RAB30: variants seen among roughly 807,000 people sequenced by gnomAD.
The protein encoded by RAB30 is ras-related protein Rab-30.
RAB30 carries 9 observed loss-of-function variants against 25.1 expected under a neutral mutation model. The ratio of observed to expected loss-of-function variants is 0.36; its 90% confidence interval spans 0.22 to 0.63. The LOEUF is 0.63. Ranked by LOEUF, RAB30 falls within the 20% of genes least tolerant of loss-of-function variation. RAB30 has a pLI of 0.69. For synonymous variants in RAB30, 77 were observed against 86.4 expected, an observed-to-expected ratio of 0.89 and a Z score of 0.60; for missense variants, 140 against 243.5, an observed-to-expected ratio of 0.58 and a Z score of 2.83.
rs1267394442 is a variant in RAB30 at position 82,981,064 on chromosome 11, T to C, written c.*1101A>G. The stretch of plus-strand genomic sequence containing the variant: ...CATCTGTTGCTATTCTCACTTATCA[T>C]ACTAAAAAATCTACAAAATCCTAAG... On this transcript the variant is annotated 3_prime_UTR_variant, in exon 5 of 5. Transcript: ENST00000527633. 1 of 152,186 alleles carries C rather than the reference T, an allele frequency of 6.6e-6. No individual in the cohort carries two copies. The highest frequency in any genetic ancestry group is 1.5e-5 in the Non-Finnish European group (1 of 68,034). The allele number at this position is 152,186 out of a possible 1,614,324, so 9.4% of individuals were successfully genotyped here.
intron 1 of RAB30, among the ~76,000 whole-genome samples, chr11:83,059,170 G>A (rs1464058320): frequency 1.3e-5 from 2 of 152,150 alleles, no homozygotes; most frequent in African/African-American, 4.8e-5. Context: ...TCAAACTCCT[G>A]GGCTCAAATG....
chr11:82,977,203 G>A lies in RAB30; in HGVS notation c.*4962C>T, dbSNP rs1856559904. The A allele has an allele frequency of 6.6e-6, 1 of 152,148 alleles. No individual in the cohort carries two copies. Among genetic ancestry groups the A allele is most frequent in the Non-Finnish European group, 1.5e-5 (1 of 68,028 alleles). The allele number at this position is 152,148 out of a possible 1,614,324, so 9.4% of individuals were successfully genotyped here. On this transcript the variant is annotated 3_prime_UTR_variant, in exon 5 of 5. Transcript: ENST00000527633. ...AACTTCTACTAAAACAATACCTTTT[G>A]ATTCAACAGGACATCAATGAATGGA...
intron 1 of RAB30, among the ~76,000 whole-genome samples, chr11:83,046,853 T>C (rs1858245012): frequency 6.6e-6 from 1 of 152,180 alleles, no homozygotes; most frequent in African/African-American, 2.4e-5. Flanking sequence ...AGAGATCATA[T>C]GTGGCCCCCA....
At chr11:83,056,126 A>T (rs1858454745) in intron 1 of RAB30, among the ~76,000 whole-genome samples, 1 of 152,190 alleles carries the variant, frequency 6.6e-6, no homozygotes, top group Admixed American at 6.5e-5. Flanking sequence ...CAATCTATAG[A>T]ACTTTTTCAT....
chr11:83,015,157 T>C (rs1268115454), intron 1 of RAB30, among the ~76,000 whole-genome samples: 1 of 152,236 alleles, frequency 6.6e-6, no homozygotes, highest in Admixed American at 6.5e-5. Context: ...TTAACATTTT[T>C]AAAATTTTTT....
At position 82,987,590 on chromosome 11, in the gene RAB30, C is replaced by T. The variant is rs1221433205; in HGVS notation, c.358G>A (p.Val120Met). The change falls in exon 4 of 5, where the codon GTG (valine) becomes ATG (methionine). Residue 120 changes from valine to methionine, a missense_variant. Val to Met is a conservative substitution (Grantham distance 21, BLOSUM62 1). Coordinates refer to ENST00000527633, the MANE Select transcript of RAB30 (RefSeq NM_001286060.2). ...YASNKVITVLVGNKIDLAERR... is the reference protein window; with the variant it reads ...YASNKVITVLMGNKIDLAERR... ...CTCCTCGTTAGCCCTTACTTACCCA[C>T]TAACACAGTGATGACCTTGTTGCTG... 1 of 1,609,300 alleles carries T rather than the reference C, an allele frequency of 6.2e-7. No homozygotes were observed.
chr11:83,061,710 C>CTT (rs569263010), intron 1 of RAB30, among the ~76,000 whole-genome samples: 1,800 of 79,740 alleles, frequency 0.023, 75 homozygotes, highest in East Asian at 0.095. Flanking sequence ...TCTTTCTTTT[C>CTT]TTTTTTTTTT....
intron 1 of RAB30, among the ~76,000 whole-genome samples, chr11:83,015,337 G>A (rs1857412927): frequency 6.6e-6 from 1 of 152,120 alleles, no homozygotes; most frequent in African/African-American, 2.4e-5. Flanking sequence ...TTTGAAGATA[G>A]AGAAGACAGA....
At chr11:82,994,802 G>C (rs571788094) in intron 2 of RAB30, among the ~76,000 whole-genome samples, 1 of 152,262 alleles carries the variant, frequency 6.6e-6, no homozygotes, top group East Asian at 1.9e-4. Context: ...GATAATCTAA[G>C]AAAATTAAGT....
intron 1 of RAB30, among the ~76,000 whole-genome samples, chr11:82,998,442 G>C (rs1001342570): frequency 6.6e-5 from 10 of 151,790 alleles, no homozygotes; most frequent in African/African-American, 2.4e-4. Flanking sequence ...CAGCTACTCA[G>C]GAGGCTGAGG....
chr11:83,045,292 CCATA>C (rs1858210851), intron 1 of RAB30, among the ~76,000 whole-genome samples: 1 of 151,988 alleles, frequency 6.6e-6, no homozygotes, highest in Non-Finnish European at 1.5e-5. Flanking sequence ...ACAACTGTGC[CCATA>C]TATATATTTT....
chr11:83,032,923 TTCTAAG>T (rs1282066166), intron 1 of RAB30, among the ~76,000 whole-genome samples: 1 of 152,134 alleles, frequency 6.6e-6, no homozygotes. Context: ...AATCCATTTT[TTCTAAG>T]TTACCTAGAT....
chr11:82,992,757 A>ACACACG (rs1297996651), intron 3 of RAB30, among the ~76,000 whole-genome samples: 9 of 150,574 alleles, frequency 6.0e-5, no homozygotes, highest in African/African-American at 2.2e-4. Flanking sequence ...ACACACACAC[A>ACACACG]CACACACACA....
chr11:82,985,175 G>A (rs2121435785), intron 4 of RAB30, among the ~76,000 whole-genome samples: 1 of 152,194 alleles, frequency 6.6e-6, no homozygotes, highest in South Asian at 2.1e-4. Flanking sequence ...ATGTTGCCCA[G>A]GCTGGTCTCA....
At chr11:82,991,337 AAAAAAT>A (rs1224519300) in intron 3 of RAB30, among the ~76,000 whole-genome samples, 1 of 151,842 alleles carries the variant, frequency 6.6e-6, no homozygotes, top group Non-Finnish European at 1.5e-5. Context: ...CCATCTCTAC[AAAAAAT>A]AAAAATAAAA....
intron 1 of RAB30, among the ~76,000 whole-genome samples, chr11:83,059,113 T>C (rs1218134622): frequency 6.6e-6 from 1 of 152,160 alleles, no homozygotes; most frequent in Non-Finnish European, 1.5e-5. Flanking sequence ...TGGCTAATTT[T>C]TGTATTTTTG....
chr11:83,039,583 G>C (rs930505022), intron 1 of RAB30, among the ~76,000 whole-genome samples: 4 of 152,186 alleles, frequency 2.6e-5, no homozygotes, highest in Admixed American at 2.6e-4. Flanking sequence ...GGAGGCTGAG[G>C]TGGGAGGATC....
chr11:83,006,265 A>G (rs765415573), intron 1 of RAB30, among the ~76,000 whole-genome samples: 25 of 152,246 alleles, frequency 1.6e-4, no homozygotes, highest in Non-Finnish European at 1.2e-4. Context: ...ATGTAGTAGG[A>G]TATTTATTAC....
chr11:82,998,012 T>C (rs1856994986), intron 1 of RAB30, among the ~76,000 whole-genome samples: 1 of 152,188 alleles, frequency 6.6e-6, no homozygotes, highest in South Asian at 2.1e-4. Flanking sequence ...CTTGAAGTCC[T>C]TGAAGGTCCA....
Sources: allele counts gnomAD v4.1 joint callset (sites outside exome capture counted in the v4.1 genomes callset), GRCh38; gene constraint gnomAD v4.1.1; transcripts MANE v1.5; gene names NCBI Gene and HGNC (gene_info 2026-07-23, HGNC 2026-07-21).